The following BICC1 variants were observed in gnomAD, a reference collection of about 807,000 sequenced individuals.
BICC1 encodes BicC family RNA binding protein 1.
A neutral mutation model predicts 111.0 loss-of-function variants in BICC1; 43 were observed. The ratio of observed to expected loss-of-function variants is 0.39; its 90% CI spans 0.30 to 0.50. The LOEUF (loss-of-function observed/expected upper bound fraction) is 0.50. BICC1 is among the 20% of genes least tolerant of loss of function. The pLI is 0.88. For missense variants in BICC1, 1,091 were observed against 1,203.2 expected, an observed-to-expected ratio of 0.91 and a Z score of 1.38; for synonymous variants, 467 against 434.4, an observed-to-expected ratio of 1.07 and a Z score of -0.93.
intron 1 of BICC1, among the ~76,000 whole-genome samples, chr10:58,531,840 T>C (rs973171682): frequency 1.3e-5 from 2 of 151,274 alleles, no homozygotes; most frequent in African/African-American, 4.9e-5. Flanking sequence ...AGAGAAAGAA[T>C]CAGCAAACTC....
chr10:58,828,667 AC>A, intron 20 of BICC1, 93 bp from the exon 21 acceptor site: 1 of 1,362,878 alleles, frequency 7.3e-7, no homozygotes, highest in Non-Finnish European at 9.9e-7. Flanking sequence ...CAAAAAACCT[AC>A]CACGTCACCA....
chr10:58,551,244 T>C (rs187513055), intron 1 of BICC1, among the ~76,000 whole-genome samples: 17 of 152,314 alleles, frequency 1.1e-4, no homozygotes, highest in African/African-American at 4.1e-4. Context: ...TAATGAAATA[T>C]GAGGTCTCAC....
chr10:58,710,136 A>G (rs751075048), intron 3 of BICC1, among the ~76,000 whole-genome samples: 1 of 152,192 alleles, frequency 6.6e-6, no homozygotes, highest in African/African-American at 2.4e-5. Context: ...ACCAAACTCT[A>G]TGAGTGAGGT....
At chr10:58,587,124 C>A (rs748973833) in intron 1 of BICC1, among the ~76,000 whole-genome samples, 1 of 152,164 alleles carries the variant, frequency 6.6e-6, no homozygotes, top group Non-Finnish European at 1.5e-5. Context: ...TCAGGTGCCT[C>A]ATGCATATTT....
chr10:58,601,689 C>G (rs77990425), intron 1 of BICC1, among the ~76,000 whole-genome samples: 1 of 151,848 alleles, frequency 6.6e-6, no homozygotes, highest in African/African-American at 2.4e-5. Context: ...TTTACACTTC[C>G]GCCATTGTAC....
intron 20 of BICC1, among the ~76,000 whole-genome samples, chr10:58,820,924 T>A (rs1332257958): frequency 6.6e-6 from 1 of 152,274 alleles, no homozygotes; most frequent in African/African-American, 2.4e-5. Flanking sequence ...GTTACTTGTC[T>A]TAATTCTTCT....
chr10:58,800,431 A>G (rs1474539330), intron 13 of BICC1, 105 bp downstream of exon 13: 9 of 1,075,854 alleles, frequency 8.4e-6, no homozygotes, highest in Admixed American at 5.5e-5. Context: ...CTAAACAGCT[A>G]TCATTCATCC....
intron 1 of BICC1, among the ~76,000 whole-genome samples, chr10:58,528,175 T>G (rs570760505): frequency 1.3e-4 from 20 of 151,956 alleles, no homozygotes; most frequent in African/African-American, 4.1e-4. Context: ...GAATGGAGCT[T>G]TAAAGCAAAG....
chr10:58,785,131 G>T, intron 4 of BICC1, 51 bp downstream of exon 4: 1 of 1,030,288 alleles, frequency 9.7e-7, no homozygotes, highest in Non-Finnish European at 1.4e-6. Context: ...CTCTACAAGG[G>T]CTACTTCATG....
At chr10:58,685,010 G>A (rs1839669411) in intron 2 of BICC1, among the ~76,000 whole-genome samples, 1 of 152,152 alleles carries the variant, frequency 6.6e-6, no homozygotes, top group South Asian at 2.1e-4. Flanking sequence ...GGCATTTAGT[G>A]CTATAAATTT....
At chr10:58,680,004 ACACT>A (rs1432842346) in intron 2 of BICC1, among the ~76,000 whole-genome samples, 3 of 152,234 alleles carry the variant, frequency 2.0e-5, no homozygotes, top group African/African-American at 7.2e-5. Context: ...CATGCTAAAA[ACACT>A]CAATAAACTA....
In BICC1 at chr10:58,642,943, A is replaced by G. The variant is rs185243888; in HGVS notation, c.237+22042A>G. Among the ~76,000 whole-genome samples, 15 of 152,162 alleles carry G rather than the reference A, an allele frequency of 9.9e-5. No homozygotes were observed. The South Asian group carries it at 1.0e-3, about 11-fold the overall frequency. ...AGTCGCAAACTCCTTGGCTCAAGCAATCCTCCTGCCTCGGCCTCCCAAAGT... is the reference window on the plus strand; with the variant it reads ...AGTCGCAAACTCCTTGGCTCAAGCAGTCCTCCTGCCTCGGCCTCCCAAAGT... On this transcript the variant is annotated intron_variant, in intron 2 of 20. Transcript: ENST00000373886.
chr10:58,774,511 A>G (rs1239737997), intron 3 of BICC1, among the ~76,000 whole-genome samples: 1 of 152,240 alleles, frequency 6.6e-6, no homozygotes, highest in Non-Finnish European at 1.5e-5. Context: ...ATAAAAGTAT[A>G]GTTGTTCATA....
At chr10:58,591,025 G>A (rs372464863) in intron 1 of BICC1, among the ~76,000 whole-genome samples, 28 of 152,224 alleles carry the variant, frequency 1.8e-4, no homozygotes, top group African/African-American at 6.5e-4. Flanking sequence ...TCAAAGGCCT[G>A]AATAGACACT....
chr10:58,632,706 A>T (rs1837833567), intron 2 of BICC1, among the ~76,000 whole-genome samples: 1 of 152,150 alleles, frequency 6.6e-6, no homozygotes, highest in South Asian at 2.1e-4. Context: ...TGACTCCATG[A>T]CCTGAATGTC....
intron 2 of BICC1, among the ~76,000 whole-genome samples, chr10:58,693,292 G>T (rs1304573138): frequency 6.6e-6 from 1 of 152,160 alleles, no homozygotes; most frequent in Non-Finnish European, 1.5e-5. Flanking sequence ...CCAAGTCTTT[G>T]CTATTGTGAA....
intron 2 of BICC1, among the ~76,000 whole-genome samples, chr10:58,639,719 ATTTTTTT>A (rs71033694): frequency 1.7e-4 from 16 of 93,162 alleles, no homozygotes; most frequent in African/African-American, 6.7e-4. Context: ...GCCCGGCCAA[ATTTTTTT>A]TTTTTTTTTT....
At chr10:58,521,608 C>T (rs559957928) in intron 1 of BICC1, among the ~76,000 whole-genome samples, 8 of 151,942 alleles carry the variant, frequency 5.3e-5, no homozygotes, top group African/African-American at 1.7e-4. Flanking sequence ...TCCCACAGTC[C>T]ATTATTAGAA....
At chr10:58,668,812 G>C (rs1564542986) in intron 2 of BICC1, among the ~76,000 whole-genome samples, 1 of 152,030 alleles carries the variant, frequency 6.6e-6, no homozygotes, top group African/African-American at 2.4e-5. Context: ...AAACTCAGGA[G>C]TTGGGACCAG....
Sources: gnomAD v4.1 joint callset for allele counts (sites outside exome capture counted in the v4.1 genomes callset) on GRCh38, gnomAD v4.1.1 for gene constraint, MANE v1.5 for transcripts, NCBI Gene and HGNC (gene_info 2026-07-23, HGNC 2026-07-21) for gene names.